The following CTNND2 variants were observed in gnomAD, a reference collection of about 807,000 sequenced individuals.
CTNND2 encodes catenin delta-2.
CTNND2 carries 22 observed loss-of-function variants against 144.4 expected under a neutral mutation model. The ratio of observed to expected loss-of-function variants is 0.15; its 90% confidence interval spans 0.11 to 0.22. The LOEUF is 0.22. Ranked by LOEUF, CTNND2 falls within the 10% of genes least tolerant of loss-of-function variation. The pLI is 1.00. For missense variants in CTNND2, 1,353 were observed against 1,618.8 expected (o/e 0.84, Z 2.82); for synonymous variants, 751 against 695.6 (o/e 1.08, Z -1.25).
At chr5:10,989,266 C>T (rs1738396987) in intron 19 of CTNND2, among the ~76,000 whole-genome samples, 1 of 152,176 alleles carries the variant, frequency 6.6e-6, no homozygotes. Context: ...GCAGCTGTGT[C>T]CAGCTCCGCA....
intron 2 of CTNND2, among the ~76,000 whole-genome samples, chr5:11,625,353 C>T (rs1409151202): frequency 6.6e-6 from 1 of 151,494 alleles, no homozygotes; most frequent in African/African-American, 2.4e-5. Context: ...TTTTCAACAA[C>T]TGATGCTGGA....
At chr5:11,189,952 G>T (rs1247356486) in intron 11 of CTNND2, among the ~76,000 whole-genome samples, 2 of 152,220 alleles carry the variant, frequency 1.3e-5, no homozygotes, top group South Asian at 2.1e-4. Flanking sequence ...GCTGAGGGTT[G>T]TAAGTTTTTG....
At chr5:11,001,193 C>T (rs1579999188) in intron 18 of CTNND2, among the ~76,000 whole-genome samples, 1 of 152,124 alleles carries the variant, frequency 6.6e-6, no homozygotes, top group East Asian at 1.9e-4. Context: ...CATAGCAGGG[C>T]ACCTTGTCTT....
intron 8 of CTNND2, among the ~76,000 whole-genome samples, chr5:11,353,401 C>G (rs1755532623): frequency 1.3e-5 from 2 of 152,180 alleles, no homozygotes; most frequent in Non-Finnish European, 2.9e-5. Context: ...AAAACCTACA[C>G]ATTTTGAAGT....
intron 9 of CTNND2, among the ~76,000 whole-genome samples, chr5:11,344,354 A>T (rs938904629): frequency 2.6e-5 from 4 of 151,962 alleles, no homozygotes; most frequent in Non-Finnish European, 5.9e-5. Flanking sequence ...ATCGCGCCAC[A>T]GCACTCCAGC....
chr5:11,774,301 T>C (rs576104679), intron 1 of CTNND2, among the ~76,000 whole-genome samples: 50 of 150,980 alleles, frequency 3.3e-4, no homozygotes, highest in African/African-American at 1.2e-3. Flanking sequence ...TCATTTTTTA[T>C]GGCTGCATAG....
Position 11,903,344 on chromosome 5 carries a change from A to G in CTNND2, c.37+473T>C. On this transcript the variant is annotated intron_variant, in intron 1 of 21. Coordinates refer to ENST00000304623, the MANE Select transcript of CTNND2 (RefSeq NM_001332.4). The surrounding 1 kb of genome is among the most constrained non-coding windows in gnomAD (Gnocchi z 5.4). The stretch of plus-strand genomic sequence containing the variant: ...CCTGAAGACACGGCCATGGACGCAT[A>G]TGACTAAGTCTTTCCATTTTGTTCT... 1 of 987,564 alleles carries G rather than the reference A, an allele frequency of 1.0e-6. No homozygotes were observed. The highest frequency in any genetic ancestry group is 5.2e-4 in the Middle Eastern group (1 of 1,928). The allele number at this position is 987,564 out of a possible 1,614,324, so 61.2% of individuals were successfully genotyped here.
chr5:11,880,987 ACTG>A (rs1477889002), intron 1 of CTNND2, among the ~76,000 whole-genome samples: 3 of 147,850 alleles, frequency 2.0e-5, no homozygotes, highest in African/African-American at 7.4e-5. Flanking sequence ...TACCACTACT[ACTG>A]CTACTAGTAC....
intron 2 of CTNND2, among the ~76,000 whole-genome samples, chr5:11,681,695 G>T (rs1471365890): frequency 6.6e-6 from 1 of 152,164 alleles, no homozygotes; most frequent in Non-Finnish European, 1.5e-5. Flanking sequence ...TTATCACAAC[G>T]TAATTCCTAC....
chr5:11,379,530 T>C (rs1758272244), intron 7 of CTNND2, among the ~76,000 whole-genome samples: 1 of 152,122 alleles, frequency 6.6e-6, no homozygotes, highest in South Asian at 2.1e-4. Flanking sequence ...CTACATGAGA[T>C]GTATTAAAAT....
In CTNND2 at chr5:11,104,959, G is replaced by A. The variant is rs545219884; in HGVS notation, c.2463+5899C>T. Among the ~76,000 whole-genome samples, 205 of 152,320 alleles carry A rather than the reference G, an allele frequency of 1.3e-3. No individual in the cohort carries two copies. In the Middle Eastern group the frequency reaches 0.014, roughly 10 times the overall value. ...CCTCCTGTGGGGGGCCACGGGGCCC[G>A]GTGAGCACACATCCCTCAGGAGTGA... On this transcript the variant is annotated intron_variant, in intron 14 of 21. Coordinates refer to ENST00000304623, the MANE Select transcript of CTNND2 (RefSeq NM_001332.4).
At chr5:11,883,618 G>C (rs1736297234) in intron 1 of CTNND2, among the ~76,000 whole-genome samples, 1 of 152,134 alleles carries the variant, frequency 6.6e-6, no homozygotes, top group Non-Finnish European at 1.5e-5. Context: ...CTTTGCTGTT[G>C]CAAACAGTGC....
chr5:11,370,036 G>A (rs1160250142), intron 7 of CTNND2, among the ~76,000 whole-genome samples: 2 of 152,288 alleles, frequency 1.3e-5, no homozygotes, highest in Non-Finnish European at 2.9e-5. Flanking sequence ...TTGATTGGAC[G>A]AATGAAAGGA....
At chr5:10,985,988 GTTTACATAGCA>G in intron 20 of CTNND2, among the ~76,000 whole-genome samples, 4 of 152,078 alleles carry the variant, frequency 2.6e-5, no homozygotes, top group Non-Finnish European at 5.9e-5. Flanking sequence ...AACAATCGGC[GTTTACATAGCA>G]CCCATTGGCT....
chr5:11,665,147 A>G (rs1444142503), intron 2 of CTNND2, among the ~76,000 whole-genome samples: 1 of 152,152 alleles, frequency 6.6e-6, no homozygotes, highest in Non-Finnish European at 1.5e-5. Context: ...CTGGGTTAAT[A>G]TTTGCTATTG....
At chr5:11,678,425 C>T (rs1784274465) in intron 2 of CTNND2, among the ~76,000 whole-genome samples, 1 of 152,050 alleles carries the variant, frequency 6.6e-6, no homozygotes, top group Admixed American at 6.6e-5. Flanking sequence ...ATAAAACTCC[C>T]CAACCAGCAA....
At chr5:11,624,311 C>A (rs985649190) in intron 2 of CTNND2, among the ~76,000 whole-genome samples, 4 of 152,034 alleles carry the variant, frequency 2.6e-5, no homozygotes, top group Admixed American at 2.6e-4. Flanking sequence ...CATAAGAACT[C>A]TCAGGTCATC....
chr5:11,656,931 G>A (rs933860639), intron 2 of CTNND2, among the ~76,000 whole-genome samples: 37 of 152,212 alleles, frequency 2.4e-4, no homozygotes, highest in Admixed American at 1.0e-3. Context: ...GGCCCTCTGC[G>A]TATCATTCAA....
At chr5:11,099,811 CAT>C (rs1265348428) in intron 14 of CTNND2, among the ~76,000 whole-genome samples, 4 of 152,030 alleles carry the variant, frequency 2.6e-5, no homozygotes, top group African/African-American at 9.7e-5. Flanking sequence ...AAAAAATACA[CAT>C]ATTCAGTTCT....
Sources: allele counts gnomAD v4.1 joint callset (sites outside exome capture counted in the v4.1 genomes callset), GRCh38; gene constraint gnomAD v4.1.1; non-coding constraint Gnocchi (gnomAD v3.1); transcripts MANE v1.5; gene names NCBI Gene and HGNC (gene_info 2026-07-23, HGNC 2026-07-21).